FHIT: variants seen among roughly 807,000 people sequenced by gnomAD.
FHIT encodes bis(5'-adenosyl)-triphosphatase.
A neutral mutation model predicts 17.9 loss-of-function variants in FHIT; 19 were observed. The observed-to-expected ratio is 1.06, with a 90% CI of 0.74 to 1.56. The LOEUF (loss-of-function observed/expected upper bound fraction) is 1.56. FHIT is among the 40% of genes most tolerant of loss of function. FHIT has a pLI of 0.00. For missense variants in FHIT, 248 were observed against 189.2 expected, an observed-to-expected ratio of 1.31 and a Z score of -1.82; for synonymous variants, 81 against 69.7, an observed-to-expected ratio of 1.16 and a Z score of -0.81.
chr3:60,431,107 G>T (rs907391487), intron 5 of FHIT, among the ~76,000 whole-genome samples: 1 of 151,756 alleles, frequency 6.6e-6, no homozygotes, highest in South Asian at 2.1e-4. Flanking sequence ...AACTACTTGG[G>T]AGCTGAGACA....
chr3:60,758,166 CCT>C (rs1308295743), intron 4 of FHIT, among the ~76,000 whole-genome samples: 2 of 152,302 alleles, frequency 1.3e-5, no homozygotes, highest in Admixed American at 1.3e-4. Context: ...CTTCAGGTGG[CCT>C]CTGCCAAGGG....
intron 3 of FHIT, among the ~76,000 whole-genome samples, chr3:60,938,165 G>A (rs1406149062): frequency 1.3e-5 from 2 of 152,172 alleles, no homozygotes; most frequent in Non-Finnish European, 2.9e-5. Flanking sequence ...GAAAAGCAGA[G>A]GAAGCAAGGG....
intron 4 of FHIT, among the ~76,000 whole-genome samples, chr3:60,770,156 T>C (rs893488896): frequency 2.0e-5 from 3 of 152,044 alleles, no homozygotes; most frequent in Non-Finnish European, 4.4e-5. Context: ...CAACCCCAAA[T>C]GAGCAGAAGC....
At chr3:59,926,015 C>A (rs1705642821) in intron 7 of FHIT, among the ~76,000 whole-genome samples, 1 of 152,216 alleles carries the variant, frequency 6.6e-6, no homozygotes, top group South Asian at 2.1e-4. Context: ...TAAGTGCCAA[C>A]AAAACATCTA....
chr3:60,768,869 A>G (rs918746160), intron 4 of FHIT, among the ~76,000 whole-genome samples: 2 of 152,200 alleles, frequency 1.3e-5, no homozygotes, highest in Non-Finnish European at 2.9e-5. Context: ...ATACAGAAAA[A>G]TACCCTGACT....
At chr3:60,041,809 T>A (rs1271137937) in intron 5 of FHIT, among the ~76,000 whole-genome samples, 1 of 152,148 alleles carries the variant, frequency 6.6e-6, no homozygotes, top group East Asian at 1.9e-4. Context: ...GGGACAAAGG[T>A]CAAGAGAAGG....
intron 4 of FHIT, among the ~76,000 whole-genome samples, chr3:60,737,234 G>A (rs2108001074): frequency 6.6e-6 from 1 of 152,284 alleles, no homozygotes; most frequent in South Asian, 2.1e-4. Flanking sequence ...TTATGAGCCG[G>A]ATGCATTGTC....
chr3:60,684,580 A>G (rs188790150), intron 4 of FHIT, among the ~76,000 whole-genome samples: 41 of 152,082 alleles, frequency 2.7e-4, no homozygotes, highest in African/African-American at 9.4e-4. Context: ...CCAACCTCAG[A>G]GTGAGGTTAA....
At chr3:60,851,509 G>A (rs1377681598) in intron 3 of FHIT, among the ~76,000 whole-genome samples, 22 of 152,118 alleles carry the variant, frequency 1.4e-4, no homozygotes, top group Admixed American at 1.3e-3. Flanking sequence ...TGAGGGGAAC[G>A]TCTAACAGAA....
intron 5 of FHIT, among the ~76,000 whole-genome samples, chr3:60,128,676 T>G (rs116139282): frequency 0.028 from 4,301 of 152,296 alleles, 70 homozygotes; most frequent in African/African-American, 0.04. Context: ...AACCAACTGA[T>G]CACCATAGTA....
At chr3:61,116,506 T>A (rs1427805037) in intron 2 of FHIT, among the ~76,000 whole-genome samples, 2 of 152,110 alleles carry the variant, frequency 1.3e-5, no homozygotes, top group East Asian at 3.9e-4. Context: ...ACTAGAGTCA[T>A]GACCTCTAAA....
At chr3:60,380,209 C>A (rs34555513) in intron 5 of FHIT, among the ~76,000 whole-genome samples, 94,589 of 151,688 alleles carry the variant, frequency 0.62, 29,559 homozygotes, top group East Asian at 0.69. Flanking sequence ...TAGCTTGGAG[C>A]CCTCCCCATG....
intron 5 of FHIT, among the ~76,000 whole-genome samples, chr3:60,473,090 T>C (rs569484759): frequency 9.8e-4 from 149 of 152,312 alleles, no homozygotes; most frequent in African/African-American, 3.3e-3. Flanking sequence ...AAAGCTATTA[T>C]GTTGATTACA....
intron 4 of FHIT, among the ~76,000 whole-genome samples, chr3:60,651,561 AAAT>A (rs2039991674): frequency 2.0e-5 from 3 of 152,030 alleles, no homozygotes; most frequent in African/African-American, 7.2e-5. Context: ...TTCAATAAAT[AAAT>A]AATGAATTTT....
At chr3:60,633,589 G>T (rs1553682978) in intron 4 of FHIT, among the ~76,000 whole-genome samples, 1 of 152,166 alleles carries the variant, frequency 6.6e-6, no homozygotes, top group Non-Finnish European at 1.5e-5. Flanking sequence ...AATAAAAGCA[G>T]TCCAAATTTA....
intron 8 of FHIT, among the ~76,000 whole-genome samples, chr3:59,782,556 G>A (rs1022263454): frequency 1.3e-5 from 2 of 152,270 alleles, no homozygotes; most frequent in African/African-American, 4.8e-5. Flanking sequence ...TATCTCAGTG[G>A]ACTGGAAGCA....
intron 5 of FHIT, among the ~76,000 whole-genome samples, chr3:60,193,937 T>G (rs1253225156): frequency 6.6e-6 from 1 of 152,180 alleles, no homozygotes; most frequent in Non-Finnish European, 1.5e-5. Context: ...AACTTGAAAG[T>G]ATCATAGACG....
At chr3:60,063,848 T>C (rs780972311) in intron 5 of FHIT, among the ~76,000 whole-genome samples, 4 of 152,152 alleles carry the variant, frequency 2.6e-5, no homozygotes, top group African/African-American at 9.7e-5. Context: ...ATACCATCCA[T>C]TGGGTTAAAC....
chr3:60,945,788 A>T (rs1402334383), intron 3 of FHIT, among the ~76,000 whole-genome samples: 6 of 152,200 alleles, frequency 3.9e-5, no homozygotes, highest in African/African-American at 1.4e-4. Context: ...TTCTCCAGTG[A>T]AATAAGAAGT....
Sources: allele counts gnomAD v4.1 joint callset (sites outside exome capture counted in the v4.1 genomes callset), GRCh38; gene constraint gnomAD v4.1.1; transcripts MANE v1.5; gene names NCBI Gene and HGNC (gene_info 2026-07-23, HGNC 2026-07-21).